RBFOX1: variants seen among roughly 807,000 people sequenced by gnomAD.
RBFOX1 encodes the protein RNA binding protein fox-1 homolog 1.
A neutral mutation model predicts 57.7 loss-of-function variants in RBFOX1; 8 were observed. The ratio of observed to expected loss-of-function variants is 0.14; its 90% CI spans 0.08 to 0.25. The LOEUF is 0.25. RBFOX1 is among the 10% of genes least tolerant of loss of function. The pLI, the probability that RBFOX1 is intolerant of heterozygous loss-of-function variation, is 1.00. For missense variants in RBFOX1, 611 were observed against 548.5 expected (o/e 1.11, Z -1.14); for synonymous variants, 326 against 222.4 (o/e 1.47, Z -4.15).
At chr16:7,345,667 C>G (rs762965125) in intron 4 of RBFOX1, among the ~76,000 whole-genome samples, 3 of 152,204 alleles carry the variant, frequency 2.0e-5, no homozygotes, top group Admixed American at 6.5e-5. Context: ...CTCCCACTTG[C>G]TGCCGGTGAT....
At chr16:7,004,849 T>A (rs1461208296) in intron 3 of RBFOX1, among the ~76,000 whole-genome samples, 1 of 152,038 alleles carries the variant, frequency 6.6e-6, no homozygotes, top group East Asian at 1.9e-4. Context: ...ACAGAACAGG[T>A]TGAATCCTTG....
At chr16:6,705,349 G>T (rs1363481311) in intron 3 of RBFOX1, 3 of 152,206 alleles carry the variant, frequency 2.0e-5, no homozygotes, top group African/African-American at 7.2e-5. Flanking sequence ...TGATGGATGG[G>T]GGTTGGCATC....
intron 4 of RBFOX1, among the ~76,000 whole-genome samples, chr16:7,222,774 A>G (rs555891312): frequency 6.6e-6 from 1 of 152,214 alleles, no homozygotes; most frequent in Non-Finnish European, 1.5e-5. Flanking sequence ...GGTAAGCAGG[A>G]ACCAGTGCCA....
At chr16:7,642,235 A>G (rs922715133) in intron 11 of RBFOX1, among the ~76,000 whole-genome samples, 5 of 152,212 alleles carry the variant, frequency 3.3e-5, no homozygotes, top group Non-Finnish European at 7.3e-5. Flanking sequence ...GCTCTGGCTC[A>G]GATATCAGGC....
intron 3 of RBFOX1, among the ~76,000 whole-genome samples, chr16:5,691,799 G>C (rs1188519029): frequency 6.6e-6 from 1 of 152,030 alleles, no homozygotes; most frequent in Non-Finnish European, 1.5e-5. Flanking sequence ...AAGAGGAAAC[G>C]AGGTTCAGAA....
chr16:6,911,812 A>T (rs1219067715), intron 3 of RBFOX1, among the ~76,000 whole-genome samples: 1 of 152,160 alleles, frequency 6.6e-6, no homozygotes, highest in Non-Finnish European at 1.5e-5. Flanking sequence ...CTTCTTTTTC[A>T]GTAAATGAAT....
At chr16:6,361,280 A>G (rs2088453926) in intron 2 of RBFOX1, among the ~76,000 whole-genome samples, 1 of 152,130 alleles carries the variant, frequency 6.6e-6, no homozygotes, top group Non-Finnish European at 1.5e-5. Context: ...ATTTGGGGAA[A>G]AGATGTAGAC....
intron 4 of RBFOX1, among the ~76,000 whole-genome samples, chr16:7,266,053 C>T (rs2095127386): frequency 6.9e-6 from 1 of 144,018 alleles, no homozygotes; most frequent in Non-Finnish European, 1.5e-5. Context: ...TGGCTCACTG[C>T]AAGCTCCGCC....
chr16:7,145,074 C>T (rs372992093), intron 4 of RBFOX1, among the ~76,000 whole-genome samples: 1 of 152,218 alleles, frequency 6.6e-6, no homozygotes, highest in Admixed American at 6.5e-5. Flanking sequence ...CTTTTGGTAC[C>T]AATCCTAGCT....
At chr16:6,904,303 A>C (rs1022050168) in intron 3 of RBFOX1, among the ~76,000 whole-genome samples, 3 of 152,046 alleles carry the variant, frequency 2.0e-5, no homozygotes, top group Non-Finnish European at 2.9e-5. Context: ...AGGCTTATGA[A>C]ACCCATCCAT....
intron 4 of RBFOX1, among the ~76,000 whole-genome samples, chr16:7,480,671 G>C (rs910156470): frequency 2.4e-4 from 36 of 152,208 alleles, no homozygotes; most frequent in African/African-American, 8.4e-4. Context: ...TGAGAGCTGT[G>C]TATGGAGCTG....
At chr16:7,091,187 C>A (rs1005490101) in intron 4 of RBFOX1, among the ~76,000 whole-genome samples, 3 of 152,100 alleles carry the variant, frequency 2.0e-5, no homozygotes, top group East Asian at 1.9e-4. Flanking sequence ...TTTTTACTCA[C>A]ATTTTCTCAT....
At chr16:7,401,352 G>A (rs4786154) in intron 4 of RBFOX1, among the ~76,000 whole-genome samples, 119,964 of 152,030 alleles carry the variant, frequency 0.79, 47,463 homozygotes, top group Admixed American at 0.82. Context: ...ACTTTGTTGA[G>A]TATTTAGCAG....
chr16:5,285,302 G>T (rs2063365547), intron 1 of RBFOX1, among the ~76,000 whole-genome samples: 1 of 152,072 alleles, frequency 6.6e-6, no homozygotes, highest in African/African-American at 2.4e-5. Context: ...ATTTGTGTTT[G>T]GTTCTTTGTT....
At chr16:6,842,594 T>C (rs2093539401) in intron 3 of RBFOX1, among the ~76,000 whole-genome samples, 1 of 152,124 alleles carries the variant, frequency 6.6e-6, no homozygotes, top group African/African-American at 2.4e-5. Flanking sequence ...ACATACTTAA[T>C]TTATGTATCC....
chr16:6,839,249 T>C (rs1048652341), intron 3 of RBFOX1, among the ~76,000 whole-genome samples: 4 of 152,098 alleles, frequency 2.6e-5, no homozygotes, highest in Non-Finnish European at 5.9e-5. Flanking sequence ...CCCCCCAAAG[T>C]GCTGGGATTA....
intron 3 of RBFOX1, among the ~76,000 whole-genome samples, chr16:5,788,081 G>T (rs542658638): frequency 6.6e-6 from 1 of 152,292 alleles, no homozygotes; most frequent in East Asian, 1.9e-4. Context: ...TGAAAAGATT[G>T]TCTGTGAGCC....
intron 4 of RBFOX1, among the ~76,000 whole-genome samples, chr16:7,392,762 G>C (rs1445664656): frequency 6.6e-6 from 1 of 152,128 alleles, no homozygotes; most frequent in East Asian, 1.9e-4. Flanking sequence ...CTGAATCTAA[G>C]GGTTTGCATA....
intron 3 of RBFOX1, among the ~76,000 whole-genome samples, chr16:5,762,032 C>T (rs955015575): frequency 6.6e-6 from 1 of 152,050 alleles, no homozygotes; most frequent in Non-Finnish European, 1.5e-5. Flanking sequence ...CTCCGAGCAG[C>T]AATATCATCA....
Sources: allele counts gnomAD v4.1 joint callset (sites outside exome capture counted in the v4.1 genomes callset), GRCh38; gene constraint gnomAD v4.1.1; transcripts MANE v1.5; gene names NCBI Gene and HGNC (gene_info 2026-07-23, HGNC 2026-07-21).